The following IGSF10 variants were observed in gnomAD, a reference collection of about 807,000 sequenced individuals.
IGSF10 encodes the protein immunoglobulin superfamily member 10, also known as calvaria mechanical force protein 608.
IGSF10 carries 126 observed loss-of-function variants against 128.2 expected under a neutral mutation model. The ratio of observed to expected loss-of-function variants is 0.98; its 90% confidence interval spans 0.85 to 1.14. The LOEUF is 1.14. IGSF10 is among the 50% of genes most tolerant of loss of function. The pLI, the probability that IGSF10 is intolerant of heterozygous loss-of-function variation, is 0.00. For synonymous variants in IGSF10, 1,185 were observed against 1,146.2 expected (o/e 1.03, Z -0.68); for missense variants, 3,295 against 3,149.8 (o/e 1.05, Z -1.10).
the IGSF10 span, among the ~76,000 whole-genome samples, chr3:151,569,745 A>T: frequency 3.3e-5 from 5 of 151,930 alleles, no homozygotes; most frequent in African/African-American, 4.8e-5. Context: ...TCTTTTTTTT[A>T]AATTATACTT....
the IGSF10 span, among the ~76,000 whole-genome samples, chr3:151,542,637 A>G: frequency 9.8e-3 from 1,487 of 152,286 alleles, 21 homozygotes; most frequent in African/African-American, 0.034. Context: ...AACAAAATAA[A>G]TGTTTTTAGT....
the IGSF10 span, among the ~76,000 whole-genome samples, chr3:151,569,937 A>C: frequency 1.3e-5 from 2 of 150,354 alleles, no homozygotes; most frequent in African/African-American, 4.9e-5. Flanking sequence ...CCTGTGTCCA[A>C]GTGTTCTCAT....
the IGSF10 span, among the ~76,000 whole-genome samples, chr3:151,612,809 T>C: frequency 6.6e-6 from 1 of 152,226 alleles, no homozygotes; most frequent in East Asian, 1.9e-4. Flanking sequence ...ACAGATACTT[T>C]TGAAAAGAAG....
the IGSF10 span, among the ~76,000 whole-genome samples, chr3:151,495,616 A>T: frequency 6.6e-6 from 1 of 152,086 alleles, no homozygotes; most frequent in Non-Finnish European, 1.5e-5. Context: ...AATAACAAGC[A>T]TCCCAAATGA....
the IGSF10 span, among the ~76,000 whole-genome samples, chr3:151,574,685 G>T: frequency 6.6e-6 from 1 of 152,154 alleles, no homozygotes; most frequent in African/African-American, 2.4e-5. Flanking sequence ...GCTCAGAGAA[G>T]TTTGTTATTA....
At position 151,438,303 on chromosome 3, in the gene IGSF10, G is replaced by A. The variant is rs750208612; in HGVS notation, c.6258C>T (p.Ala2086=). The A allele has an allele frequency of 8.1e-6, 13 of 1,614,032 alleles. No homozygotes were observed. The highest frequency in any genetic ancestry group is 4.4e-5 in the South Asian group (4 of 91,090). The change falls in exon 8 of 8, where the codon GCC becomes GCT. Residue 2086 remains alanine, a synonymous_variant. Coordinates refer to ENST00000282466, the MANE Select transcript of IGSF10 (RefSeq NM_178822.5). The stretch of plus-strand genomic sequence containing the variant: ...TCCTAGTCCTGTGGCCACTGTCATC[G>A]GCTTGCATTGCATTGTTGATCATGG... The part of the protein sequence containing the change: ...DGTMINNAMQ[A]DDSGHRTRRY...
At chr3:151,605,455 C>T in the IGSF10 span, among the ~76,000 whole-genome samples, 10 of 152,054 alleles carry the variant, frequency 6.6e-5, no homozygotes, top group African/African-American at 9.7e-5. Context: ...GCAGGTATGT[C>T]GGGCTTGTTA....
the IGSF10 span, among the ~76,000 whole-genome samples, chr3:151,515,505 A>G: frequency 6.7e-6 from 1 of 150,122 alleles, no homozygotes; most frequent in African/African-American, 2.4e-5. Flanking sequence ...GCATTAGGAC[A>G]TATACCTAAT....
chr3:151,487,468 CTAACT>C, the IGSF10 span, among the ~76,000 whole-genome samples: 1 of 152,170 alleles, frequency 6.6e-6, no homozygotes, highest in Non-Finnish European at 1.5e-5. Context: ...GGACTCCTTC[CTAACT>C]TATTTTATGA....
the IGSF10 span, among the ~76,000 whole-genome samples, chr3:151,480,274 G>T: frequency 2.6e-5 from 4 of 152,058 alleles, no homozygotes; most frequent in Non-Finnish European, 5.9e-5. Context: ...CATGGAGAAG[G>T]GAAGGAAACA....
At chr3:151,567,433 A>G in the IGSF10 span, among the ~76,000 whole-genome samples, 4 of 152,172 alleles carry the variant, frequency 2.6e-5, no homozygotes, top group Non-Finnish European at 4.4e-5. Context: ...GTTGGGAACT[A>G]ACAAGAAAAA....
the IGSF10 span, among the ~76,000 whole-genome samples, chr3:151,558,008 A>ATATATATATTATATATAATATATAT: frequency 8.2e-3 from 311 of 37,794 alleles, 16 homozygotes; most frequent in Middle Eastern, 0.1. Context: ...TATATATAAT[A>ATATATATATTATATATAATATATAT]TATATATATA....
chr3:151,518,113 G>A, the IGSF10 span, among the ~76,000 whole-genome samples: 2 of 151,980 alleles, frequency 1.3e-5, no homozygotes, highest in Non-Finnish European at 2.9e-5. Context: ...TATATTTTAA[G>A]TTCAGCCTAA....
At chr3:151,491,775 G>A in the IGSF10 span, among the ~76,000 whole-genome samples, 7 of 151,956 alleles carry the variant, frequency 4.6e-5, no homozygotes, top group East Asian at 1.2e-3. Context: ...AGAGCCAGAG[G>A]GAATACTTCC....
chr3:151,466,086 G>C, the IGSF10 span, among the ~76,000 whole-genome samples: 1 of 152,116 alleles, frequency 6.6e-6, no homozygotes, highest in Non-Finnish European at 1.5e-5. Flanking sequence ...CTCTGAATCT[G>C]CGGTATTTCT....
the IGSF10 span, among the ~76,000 whole-genome samples, chr3:151,530,026 G>A: frequency 6.6e-6 from 1 of 151,826 alleles, no homozygotes; most frequent in Non-Finnish European, 1.5e-5. Flanking sequence ...ATGACCTGAT[G>A]GAGCTGAAAA....
the IGSF10 span, among the ~76,000 whole-genome samples, chr3:151,478,743 C>T: frequency 6.5e-3 from 993 of 151,960 alleles, 12 homozygotes; most frequent in African/African-American, 0.023. Flanking sequence ...AGGATAAACA[C>T]TAAAAGATAA....
chr3:151,478,733 A>C, the IGSF10 span, among the ~76,000 whole-genome samples: 1 of 152,244 alleles, frequency 6.6e-6, no homozygotes, highest in African/African-American at 2.4e-5. Context: ...TTTGAGAAGA[A>C]GGATAAACAC....
In IGSF10 at chr3:151,437,548, G is replaced by A; in HGVS notation, c.7013C>T (p.Thr2338Ile). The A allele has an allele frequency of 2.5e-6, 4 of 1,614,202 alleles. No individual in the cohort carries two copies. The highest frequency in any genetic ancestry group is 1.1e-5 in the South Asian group (1 of 91,086). Reference sequence around the variant, plus strand: ...TTTTTCATTAAATGGATTTCTAAATGTCGGTCTTCTCAGCATTTCCAGTAC... The same window carrying A: ...TTTTTCATTAAATGGATTTCTAAATATCGGTCTTCTCAGCATTTCCAGTAC... The part of the protein sequence containing the change: ...LEVLEMLRRP[T>I]FRNPFNEKIV... The change falls in exon 8 of 8, where the codon ACA (threonine) becomes ATA (isoleucine). Residue 2338 changes from threonine (T) to isoleucine (I), a missense_variant. Coordinates refer to ENST00000282466, the MANE Select transcript of IGSF10 (RefSeq NM_178822.5).
Sources: allele counts gnomAD v4.1 joint callset (sites outside exome capture counted in the v4.1 genomes callset), GRCh38; gene constraint gnomAD v4.1.1; transcripts MANE v1.5; gene names NCBI Gene and HGNC (gene_info 2026-07-23, HGNC 2026-07-21).